MRPS35: variants seen among roughly 807,000 people sequenced by gnomAD.
MRPS35 encodes the protein mitochondrial ribosomal protein S35.
A neutral mutation model predicts 32.7 loss-of-function variants in MRPS35; 29 were observed. That is an observed-to-expected ratio of 0.89 (90% CI 0.66 to 1.21). The LOEUF (loss-of-function observed/expected upper bound fraction) is 1.21, where lower values mean the gene tolerates loss of function less well. Ranked by LOEUF, MRPS35 falls within the 50% of genes most tolerant of loss-of-function variation. The pLI is 0.00. For synonymous variants in MRPS35, 148 were observed against 139.3 expected (o/e 1.06, Z -0.44); for missense variants, 373 against 383.8 (o/e 0.97, Z 0.23).
rs139780198 is a variant in MRPS35, at chr12:27,719,890, T to C, written c.382+22T>C. The C allele has an allele frequency of 6.6e-6, 10 of 1,504,104 alleles. No homozygotes were observed. In the African/African-American group the frequency reaches 6.9e-5, roughly 10 times the overall value. The allele number at this position is 1,504,104 out of a possible 1,614,324, so 93.2% of individuals were successfully genotyped here. On this transcript the variant is annotated intron_variant, in intron 4 of 7. Transcript: ENST00000081029. ...AAAGGTAAGTGGTTATTTTCTTATA[T>C]GAATTTTATATTGACTTTGAACATA...
At chr12:27,713,308 T>G (rs552268002) in intron 1 of MRPS35, among the ~76,000 whole-genome samples, 15 of 152,252 alleles carry the variant, frequency 9.9e-5, no homozygotes, top group African/African-American at 3.4e-4. Context: ...AGATGTAGGA[T>G]AGGATAGATG....
Position 27,720,522 on chromosome 12 carries a change from A to C in MRPS35, c.382+654A>C, listed in dbSNP as rs576788582. 3.5e-4 allele frequency among the ~76,000 whole-genome samples: 54 copies of C among 152,208 alleles called. 1 individual carries two copies. Among genetic ancestry groups the C allele is most frequent in the African/African-American group, 1.2e-3 (50 of 41,566 alleles). ...ATTTTAAAAAATTAGTGACACATGC[A>C]TGTGGTAAATCAAATAGTAAAAGAG... is the stretch of plus-strand genomic sequence containing the variant. On this transcript the variant is annotated intron_variant, in intron 4 of 7. Transcript: ENST00000081029.
intron 5 of MRPS35, among the ~76,000 whole-genome samples, chr12:27,734,701 G>A (rs79798722): frequency 0.01 from 1,572 of 152,180 alleles, 33 homozygotes; most frequent in African/African-American, 0.035. Flanking sequence ...GGAATCTGAC[G>A]TCAAATAAAT....
At chr12:27,742,504 T>A (rs1432565041) in intron 7 of MRPS35, among the ~76,000 whole-genome samples, 1 of 152,206 alleles carries the variant, frequency 6.6e-6, no homozygotes, top group Non-Finnish European at 1.5e-5. Flanking sequence ...TAACTCCCCC[T>A]GAAAACGTCA....
At chr12:27,749,551 T>A (rs567346907) in intron 7 of MRPS35, among the ~76,000 whole-genome samples, 16 of 152,340 alleles carry the variant, frequency 1.1e-4, no homozygotes, top group South Asian at 2.1e-4. Flanking sequence ...GTTGTGTATT[T>A]ACATTTACCT....
intron 7 of MRPS35, among the ~76,000 whole-genome samples, chr12:27,738,173 A>G (rs1197826574): frequency 6.6e-6 from 1 of 152,170 alleles, no homozygotes; most frequent in Non-Finnish European, 1.5e-5. Flanking sequence ...TTTGCATATT[A>G]ATATATAATG....
At chr12:27,729,310 G>A (rs1026447563) in intron 5 of MRPS35, among the ~76,000 whole-genome samples, 4 of 152,078 alleles carry the variant, frequency 2.6e-5, no homozygotes, top group Admixed American at 6.5e-5. Flanking sequence ...GGACAGTGGT[G>A]TTTACAGACC....
At chr12:27,733,205 C>T (rs1312434999) in intron 5 of MRPS35, among the ~76,000 whole-genome samples, 1 of 151,932 alleles carries the variant, frequency 6.6e-6, no homozygotes, top group African/African-American at 2.4e-5. Context: ...AGTATTAGCC[C>T]AGATTAAAGA....
intron 6 of MRPS35, among the ~76,000 whole-genome samples, chr12:27,736,310 G>T (rs934371131): frequency 6.6e-5 from 10 of 152,322 alleles, no homozygotes; most frequent in African/African-American, 2.4e-4. Flanking sequence ...GATTGCAACA[G>T]TGTGGAGGCA....
intron 7 of MRPS35, among the ~76,000 whole-genome samples, chr12:27,744,815 G>A (rs1273206557): frequency 1.3e-5 from 2 of 152,174 alleles, no homozygotes; most frequent in African/African-American, 4.8e-5. Flanking sequence ...GTTCTAAAAA[G>A]TGGACCTGTG....
At chr12:27,739,618 T>G (rs2061955688) in intron 7 of MRPS35, among the ~76,000 whole-genome samples, 1 of 152,230 alleles carries the variant, frequency 6.6e-6, no homozygotes, top group South Asian at 2.1e-4. Flanking sequence ...GTTAATCTCT[T>G]TCCTACACAA....
At chr12:27,736,468 G>C (rs796858728) in intron 6 of MRPS35, among the ~76,000 whole-genome samples, 1 of 147,456 alleles carries the variant, frequency 6.8e-6, no homozygotes. Context: ...AAATGTTATT[G>C]TTTGAAATTC....
intron 4 of MRPS35, among the ~76,000 whole-genome samples, chr12:27,721,516 G>A (rs1489443671): frequency 1.3e-5 from 2 of 152,064 alleles, no homozygotes; most frequent in African/African-American, 4.8e-5. Context: ...AAAATTAGCC[G>A]GGTGTGGTGG....
chr12:27,724,845 A>G (rs1451262873), intron 5 of MRPS35, among the ~76,000 whole-genome samples: 2 of 152,166 alleles, frequency 1.3e-5, no homozygotes, highest in Non-Finnish European at 2.9e-5. Context: ...GCCTTTGTGT[A>G]TATTAATGGG....
At chr12:27,731,743 A>G (rs1362088485) in intron 5 of MRPS35, among the ~76,000 whole-genome samples, 1 of 151,972 alleles carries the variant, frequency 6.6e-6, no homozygotes, top group Non-Finnish European at 1.5e-5. Flanking sequence ...TAATTTTTGT[A>G]TTTTTAGTAG....
chr12:27,721,791 T>A (rs1224950420), intron 4 of MRPS35, among the ~76,000 whole-genome samples: 11 of 152,220 alleles, frequency 7.2e-5, no homozygotes. Flanking sequence ...TTCTTCTTTT[T>A]AAATGTGACA....
Position 27,714,953 on chromosome 12 carries a change from C to G in MRPS35, c.153+133C>G, listed in dbSNP as rs1376334782. On this transcript the variant is annotated intron_variant, in intron 2 of 7. Transcript: ENST00000081029. ...CATGTTTACTGGGTGATTGCCATAG[C>G]CCTGGCAGAGGTTAGTCTTTGTTTT... 34 of 714,280 alleles carry G rather than the reference C, an allele frequency of 4.8e-5. 1 individual carries two copies. The South Asian group carries it at 6.5e-4, about 14-fold the overall frequency. The allele number at this position is 714,280 out of a possible 1,614,324, so 44.2% of individuals were successfully genotyped here.
At chr12:27,727,283 A>C (rs962216588) in intron 5 of MRPS35, among the ~76,000 whole-genome samples, 3 of 152,146 alleles carry the variant, frequency 2.0e-5, no homozygotes, top group Admixed American at 6.5e-5. Context: ...GATGAAGTCC[A>C]ATTTATGTAA....
At chr12:27,718,747 T>TA (rs1385803906) in intron 3 of MRPS35, among the ~76,000 whole-genome samples, 2 of 152,182 alleles carry the variant, frequency 1.3e-5, no homozygotes, top group Non-Finnish European at 2.9e-5. Flanking sequence ...AAAGTTGAAA[T>TA]ACTGTCATGC....
Sources: gnomAD v4.1 joint callset for allele counts (sites outside exome capture counted in the v4.1 genomes callset) on GRCh38, gnomAD v4.1.1 for gene constraint, MANE v1.5 for transcripts, NCBI Gene and HGNC (gene_info 2026-07-23, HGNC 2026-07-21) for gene names.